Variants in TUT4 observed in about 807,000 individuals in gnomAD.
TUT4 encodes terminal uridylyltransferase 4.
Under a neutral mutation model 192.2 loss-of-function variants are expected in TUT4, and 36 were observed. That is an observed-to-expected ratio of 0.19 (90% CI 0.14 to 0.25). TUT4 has a LOEUF of 0.25. Ranked by LOEUF, TUT4 falls within the 10% of genes least tolerant of loss-of-function variation. The pLI is 1.00. For missense variants in TUT4, 1,493 were observed against 1,957.2 expected (o/e 0.76, Z 4.47); for synonymous variants, 618 against 666.0 (o/e 0.93, Z 1.11).
intron 1 of TUT4, among the ~76,000 whole-genome samples, chr1:52,539,987 G>A (rs1686075941): frequency 6.6e-6 from 1 of 151,554 alleles, no homozygotes; most frequent in Admixed American, 6.6e-5. Flanking sequence ...GGGAGGCCAA[G>A]GCGGGCAGAT....
intron 28 of TUT4, among the ~76,000 whole-genome samples, chr1:52,426,082 G>C (rs1649824091): frequency 6.6e-6 from 1 of 152,132 alleles, no homozygotes; most frequent in African/African-American, 2.4e-5. Flanking sequence ...TTATCCTAAA[G>C]ACAATGCCAA....
chr1:52,484,432 T>C (rs1219980178), intron 9 of TUT4, among the ~76,000 whole-genome samples: 1 of 152,128 alleles, frequency 6.6e-6, no homozygotes, highest in Non-Finnish European at 1.5e-5. Context: ...CAAATTTTGG[T>C]ATCCTTGGGG....
At chr1:52,444,629 A>G (rs997194093) in intron 24 of TUT4, among the ~76,000 whole-genome samples, 1 of 150,330 alleles carries the variant, frequency 6.7e-6, no homozygotes, top group African/African-American at 2.5e-5. Flanking sequence ...GGGCTGGGGA[A>G]GGCACATCTG....
intron 19 of TUT4, among the ~76,000 whole-genome samples, chr1:52,459,570 CAG>C (rs1661962899): frequency 6.6e-6 from 1 of 152,088 alleles, no homozygotes. Context: ...GCCTGGGCAA[CAG>C]AGTGGAATCC....
At chr1:52,517,592 T>G (rs1435262701) in intron 2 of TUT4, among the ~76,000 whole-genome samples, 1 of 152,146 alleles carries the variant, frequency 6.6e-6, no homozygotes, top group African/African-American at 2.4e-5. Context: ...GTTTCTAGAC[T>G]AGGAAGGCAA....
In TUT4 at chr1:52,488,930, T is replaced by C. The variant is rs1223580971; in HGVS notation, c.1494A>G (p.Leu498=). 28 of 1,613,424 alleles carry C rather than the reference T, an allele frequency of 1.7e-5. No homozygotes were observed. Among genetic ancestry groups the C allele is most frequent in the Non-Finnish European group, 2.4e-5 (28 of 1,179,734 alleles). Residue 498 remains leucine, a synonymous_variant, in exon 9 of 30, where the codon TTA becomes TTG. Coordinates refer to ENST00000257177, the MANE Select transcript of TUT4 (RefSeq NM_001009881.3). The part of the protein sequence containing the change: ...KIEPVFIPLV[L]AFRYWAKLCY... ...TTACCTTAGCCCAGTAGCGAAAGGC[T>C]AACACCAAGGGAATAAAGACAGGTT... is the stretch of plus-strand genomic sequence containing the variant.
intron 14 of TUT4, among the ~76,000 whole-genome samples, chr1:52,471,008 CTTTTTTT>C (rs771331613): frequency 1.5e-3 from 121 of 82,152 alleles, no homozygotes; most frequent in African/African-American, 6.7e-3. Flanking sequence ...GCACTCTATG[CTTTTTTT>C]TTTTTTTTTT....
chr1:52,553,310 G>GC (rs1361959344), upstream of TUT4: 5 of 143,782 alleles, frequency 3.5e-5, no homozygotes, highest in Admixed American at 2.8e-4. Flanking sequence ...CGTTCGGGGG[G>GC]CCCCACAGGC....
At chr1:52,490,885 C>T in intron 7 of TUT4, 84 bp from the exon 8 acceptor site, 1 of 1,137,814 alleles carries the variant, frequency 8.8e-7, no homozygotes, top group Admixed American at 2.6e-5. Context: ...CAGTTTCCTT[C>T]TGAAAATTAT....
chr1:52,443,625 T>C (rs1379850329), intron 24 of TUT4, among the ~76,000 whole-genome samples: 3 of 151,244 alleles, frequency 2.0e-5, no homozygotes, highest in African/African-American at 7.3e-5. Context: ...GGGCTGAGCA[T>C]GGTGGCTGAT....
rs1218993039 is a variant in TUT4, at chr1:52,431,501, CATCTT to C, written c.4264-46_4264-42del. On this transcript the variant is annotated intron_variant, in intron 27 of 29. Coordinates refer to ENST00000257177, the MANE Select transcript of TUT4 (RefSeq NM_001009881.3). Reference sequence around the variant, plus strand: ...AAATTTTTTTTAATTAATTTATAAACATCTTAATTTTATAAAAGTAGAGATAAAAT... The same window carrying C: ...AAATTTTTTTTAATTAATTTATAAACAATTTTATAAAAGTAGAGATAAAAT... 2.8e-5 allele frequency: 37 copies of C among 1,330,220 alleles called. No individual in the cohort carries two copies. In the East Asian group the frequency reaches 8.5e-4, roughly 30 times the overall value. The allele number at this position is 1,330,220 out of a possible 1,614,324, so 82.4% of individuals were successfully genotyped here. A position where few individuals can be genotyped will look rare whatever the true frequency, so the allele number is the denominator to read the frequency against.
chr1:52,432,482 G>A (rs752351890), intron 27 of TUT4: 1 of 152,252 alleles, frequency 6.6e-6, no homozygotes, highest in African/African-American at 2.4e-5. Context: ...AGACAATGAA[G>A]TGTCTTATAA....
intron 20 of TUT4, among the ~76,000 whole-genome samples, chr1:52,449,080 CACAG>C (rs925686049): frequency 5.2e-4 from 79 of 151,716 alleles, no homozygotes; most frequent in African/African-American, 1.1e-3. Flanking sequence ...CACACACACA[CACAG>C]ACACACACAC....
intron 2 of TUT4, among the ~76,000 whole-genome samples, chr1:52,524,410 C>T (rs55975921): frequency 0.016 from 2,504 of 152,072 alleles, 23 homozygotes; most frequent in Non-Finnish European, 0.025. Flanking sequence ...GTACTCCCAG[C>T]TACTCGGAGA....
intron 20 of TUT4, 58 bp downstream of exon 20, chr1:52,458,278 T>C: frequency 7.8e-7 from 1 of 1,285,326 alleles, no homozygotes. Flanking sequence ...CAAAATCTCC[T>C]GTGTTTAGAT....
intron 7 of TUT4, among the ~76,000 whole-genome samples, chr1:52,491,624 T>C (rs772288608): frequency 1.4e-4 from 21 of 152,120 alleles, no homozygotes; most frequent in Non-Finnish European, 2.6e-4. Context: ...GAGGCAGAGG[T>C]TGAAGTGAGC....
intron 4 of TUT4, among the ~76,000 whole-genome samples, chr1:52,505,975 T>A (rs186110168): frequency 2.0e-5 from 3 of 151,926 alleles, no homozygotes; most frequent in African/African-American, 7.2e-5. Context: ...TGAGCCACGA[T>A]GCCCAGCTAA....
At chr1:52,429,821 T>C (rs956767648) in intron 28 of TUT4, among the ~76,000 whole-genome samples, 2 of 152,096 alleles carry the variant, frequency 1.3e-5, no homozygotes, top group South Asian at 4.1e-4. Context: ...CTTAAACTCC[T>C]GGCCTCAACT....
intron 9 of TUT4, among the ~76,000 whole-genome samples, chr1:52,485,820 AT>A (rs1669654422): frequency 6.6e-6 from 1 of 152,022 alleles, no homozygotes; most frequent in Non-Finnish European, 1.5e-5. Context: ...ATTTGCTTAT[AT>A]TTCATTTAGA....
Sources: gnomAD v4.1 joint callset for allele counts (sites outside exome capture counted in the v4.1 genomes callset) on GRCh38, gnomAD v4.1.1 for gene constraint, MANE v1.5 for transcripts, NCBI Gene and HGNC (gene_info 2026-07-23, HGNC 2026-07-21) for gene names.